TLN2: variants seen among roughly 807,000 people sequenced by gnomAD.
The protein encoded by TLN2 is talin-2.
TLN2 carries 118 observed loss-of-function variants against 294.7 expected under a neutral mutation model. The observed-to-expected ratio is 0.40, with a 90% confidence interval of 0.34 to 0.47. TLN2 has a LOEUF of 0.47. Ranked by LOEUF, TLN2 falls within the 20% of genes least tolerant of loss-of-function variation. The probability of loss-of-function intolerance (pLI) is 0.84; values close to 1 mark genes in which losing one functional copy is unlikely to be tolerated. For missense variants in TLN2, 3,083 were observed against 3,282.2 expected (o/e 0.94, Z 1.48); for synonymous variants, 1,431 against 1,304.5 (o/e 1.10, Z -2.09).
intron 1 of TLN2, among the ~76,000 whole-genome samples, chr15:62,450,656 CT>C (rs774316018): frequency 2.6e-5 from 4 of 152,020 alleles, no homozygotes; most frequent in Non-Finnish European, 5.9e-5. Context: ...ATCACTGCAA[CT>C]TTCACCTCTT....
intron 3 of TLN2, among the ~76,000 whole-genome samples, chr15:62,630,828 C>T (rs2049736245): frequency 1.3e-5 from 2 of 151,756 alleles, no homozygotes; most frequent in Admixed American, 1.3e-4. Flanking sequence ...TTATATTTTT[C>T]TGAGAAGATG....
Position 62,792,659 on chromosome 15 carries a change from A to G in TLN2, c.5755A>G (p.Thr1919Ala). The G allele has an allele frequency of 6.2e-7, 1 of 1,613,426 alleles. No individual in the cohort carries two copies. The change falls in exon 46 of 59, where the codon ACT becomes GCT. Residue 1919 changes from threonine to alanine, a missense_variant. By Grantham distance (58) the Thr-to-Ala change is moderately conservative. Coordinates refer to ENST00000636159, the MANE Select transcript of TLN2 (RefSeq NM_015059.3). ...EPEEIGFQIRTRVQDLGHGCI... is the reference protein window; with the variant it reads ...EPEEIGFQIRARVQDLGHGCI... ...TCTGCAGATCGGATTCCAGATTCGC[A>G]CTCGTGTGCAGGACCTGGGCCACGG... is the stretch of plus-strand genomic sequence containing the variant.
chr15:62,777,924 A>C (rs2063833456), intron 43 of TLN2, among the ~76,000 whole-genome samples: 1 of 152,224 alleles, frequency 6.6e-6, no homozygotes, highest in Admixed American at 6.5e-5. Context: ...CATTAGAAAG[A>C]ATGCTTGTTC....
chr15:62,399,260 A>C (rs932972495), intron 1 of TLN2, among the ~76,000 whole-genome samples: 4 of 145,546 alleles, frequency 2.7e-5, no homozygotes, highest in African/African-American at 1.0e-4. Context: ...CTCAAACAAA[A>C]AAAAAAAAAA....
chr15:62,716,942 T>A (rs1313635555), intron 23 of TLN2, among the ~76,000 whole-genome samples: 3 of 150,986 alleles, frequency 2.0e-5, no homozygotes, highest in Non-Finnish European at 4.4e-5. Flanking sequence ...AAACTATGTT[T>A]TTTTTTTTTT....
chr15:62,826,914 C>G (rs796120915), intron 54 of TLN2, among the ~76,000 whole-genome samples: 3 of 152,182 alleles, frequency 2.0e-5, no homozygotes, highest in African/African-American at 7.2e-5. Context: ...GCACTATGAC[C>G]TTATTTTTAG....
intron 16 of TLN2, among the ~76,000 whole-genome samples, chr15:62,699,855 G>A (rs2058605198): frequency 6.6e-6 from 1 of 152,204 alleles, no homozygotes; most frequent in Non-Finnish European, 1.5e-5. Flanking sequence ...GCTGTGGGTG[G>A]AGCCTGAGAA....
intron 1 of TLN2, among the ~76,000 whole-genome samples, chr15:62,482,235 G>C (rs1329147583): frequency 6.6e-6 from 1 of 152,136 alleles, no homozygotes; most frequent in Non-Finnish European, 1.5e-5. Context: ...ATGCCACACT[G>C]TAGACCCTTA....
chr15:62,653,228 C>G lies in TLN2; in HGVS notation c.431C>G (p.Thr144Arg). ...ATTGAAGAAAAGAAAGAGGAAGGAA[C>G]GGGCACACTCAAAAAAGACAGGACA... The part of the protein sequence containing the change: ...ETIEEKKEEG[T>R]GTLKKDRTLL... The change falls in exon 7 of 59, where the codon ACG (threonine) becomes AGG (arginine). Residue 144 changes from threonine to arginine, a missense_variant. Transcript: ENST00000636159. 1.2e-6 allele frequency: 2 copies of G among 1,612,422 alleles called. No homozygotes were observed. The highest frequency in any genetic ancestry group is 1.7e-6 in the Non-Finnish European group (2 of 1,179,424).
chr15:62,807,177 C>T (rs1019900307), intron 51 of TLN2, among the ~76,000 whole-genome samples: 3 of 152,142 alleles, frequency 2.0e-5, no homozygotes, highest in Non-Finnish European at 4.4e-5. Flanking sequence ...TTGATATGCT[C>T]AGTGGAGTCC....
At chr15:62,633,712 T>G (rs2140895078) in intron 3 of TLN2, among the ~76,000 whole-genome samples, 1 of 152,358 alleles carries the variant, frequency 6.6e-6, no homozygotes, top group Non-Finnish European at 1.5e-5. Flanking sequence ...CTTACTGCAC[T>G]TATTAATATC....
At chr15:62,670,482 ATAATTT>A (rs2055267272) in intron 9 of TLN2, among the ~76,000 whole-genome samples, 4 of 152,176 alleles carry the variant, frequency 2.6e-5, no homozygotes, top group Non-Finnish European at 5.9e-5. Flanking sequence ...TTGCTTAATG[ATAATTT>A]TAATATCTAA....
chr15:62,431,939 C>T (rs1445757842), intron 1 of TLN2, among the ~76,000 whole-genome samples: 1 of 152,088 alleles, frequency 6.6e-6, no homozygotes, highest in Non-Finnish European at 1.5e-5. Flanking sequence ...CGGGCATGGT[C>T]CCAGGCCCAT....
intron 14 of TLN2, among the ~76,000 whole-genome samples, chr15:62,696,348 T>C (rs2058333606): frequency 6.6e-6 from 1 of 152,206 alleles, no homozygotes; most frequent in African/African-American, 2.4e-5. Flanking sequence ...CCTCAGACTT[T>C]TTACCTTCAG....
At chr15:62,824,791 G>T (rs1262479469) in intron 54 of TLN2, among the ~76,000 whole-genome samples, 1 of 152,130 alleles carries the variant, frequency 6.6e-6, no homozygotes. Context: ...GGTTGGTTTT[G>T]ACCTCTTCCT....
In TLN2 at chr15:62,549,133, C is replaced by G. The variant is rs190325910; in HGVS notation, c.-237-40554C>G. Among the ~76,000 whole-genome samples the G allele has an allele frequency of 9.9e-5, 15 of 152,216 alleles. No individual in the cohort carries two copies. The East Asian group carries it at 2.9e-3, about 29-fold the overall frequency. ...TTAGCTGCCTTTAATTGAGACCCTA[C>G]GGAGTGTAAAACATGAATGGCTTTG... is the stretch of plus-strand genomic sequence containing the variant. On this transcript the variant is annotated intron_variant, in intron 1 of 58. Transcript: ENST00000636159.
chr15:62,724,666 A>T (rs1410674015), intron 26 of TLN2, among the ~76,000 whole-genome samples: 1 of 152,098 alleles, frequency 6.6e-6, no homozygotes, highest in East Asian at 1.9e-4. Context: ...TACCTCTAGA[A>T]CTCAGCCACA....
intron 1 of TLN2, among the ~76,000 whole-genome samples, chr15:62,481,606 C>G (rs531429620): frequency 1.3e-5 from 2 of 152,204 alleles, no homozygotes; most frequent in South Asian, 4.2e-4. Context: ...CACGATCCTC[C>G]CACCTCAGTC....
At chr15:62,784,034 C>T in intron 45 of TLN2, 144 bp downstream of exon 45, 1 of 1,396,370 alleles carries the variant, frequency 7.2e-7, no homozygotes, top group Non-Finnish European at 9.7e-7. Context: ...CTGCACAGCA[C>T]AGGTCCAGAC....
Sources: allele counts gnomAD v4.1 joint callset (sites outside exome capture counted in the v4.1 genomes callset), GRCh38; gene constraint gnomAD v4.1.1; transcripts MANE v1.5; gene names NCBI Gene and HGNC (gene_info 2026-07-23, HGNC 2026-07-21).